The following GSK3B variants were observed in gnomAD, a reference collection of about 807,000 sequenced individuals.
GSK3B encodes the protein glycogen synthase kinase-3 beta.
Under a neutral mutation model 56.4 loss-of-function variants are expected in GSK3B, and 15 were observed. The ratio of observed to expected loss-of-function variants is 0.27; its 90% CI spans 0.18 to 0.41. GSK3B has a LOEUF of 0.41. Ranked by LOEUF, GSK3B falls within the 10% of genes least tolerant of loss-of-function variation. GSK3B has a pLI of 1.00. For synonymous variants in GSK3B, 181 were observed against 188.9 expected, an observed-to-expected ratio of 0.96 and a Z score of 0.34; for missense variants, 300 against 513.4, an observed-to-expected ratio of 0.58 and a Z score of 4.02.
At chr3:119,942,710 G>T (rs1235471422) in intron 3 of GSK3B, among the ~76,000 whole-genome samples, 1 of 152,114 alleles carries the variant, frequency 6.6e-6, no homozygotes, top group African/African-American at 2.4e-5. Context: ...CTTTTCATAT[G>T]TTCTATCAGA....
chr3:119,909,305 C>A (rs563514802), intron 6 of GSK3B, among the ~76,000 whole-genome samples: 1 of 152,314 alleles, frequency 6.6e-6, no homozygotes, highest in African/African-American at 2.4e-5. Flanking sequence ...GCCACTGCAC[C>A]AGGCCAGGTC....
chr3:119,953,399 A>T (rs1330727378), intron 2 of GSK3B, among the ~76,000 whole-genome samples: 1 of 152,238 alleles, frequency 6.6e-6, no homozygotes, highest in Non-Finnish European at 1.5e-5. Context: ...AAGGCTATAT[A>T]AAAAGAAAGC....
intron 10 of GSK3B, among the ~76,000 whole-genome samples, chr3:119,842,710 G>C (rs915226730): frequency 6.6e-6 from 1 of 152,014 alleles, no homozygotes; most frequent in Non-Finnish European, 1.5e-5. Context: ...CTCTCACTAA[G>C]ATGACAGAAT....
rs17183897 is a variant in GSK3B at position 119,863,444 on chromosome 3, A to G, written c.1071T>C (p.Pro357=). ...CTTGAGTGGTGAAGTTGAAGAGTGC[A>G]GGTGTGTCTCGCCCATTTGGTAGTT... ...NVKLPNGRDT[P]ALFNFTTQEL... Residue 357 remains proline (P), a synonymous_variant, in exon 9 of 11, where the codon CCT becomes CCC. Coordinates refer to ENST00000264235, the MANE Select transcript of GSK3B (RefSeq NM_001146156.2). 5,135 of 1,613,898 alleles carry G rather than the reference A, an allele frequency of 3.2e-3. 124 individuals are homozygous for G. In the African/African-American group the frequency reaches 0.057, roughly 18 times the overall value.
intron 5 of GSK3B, among the ~76,000 whole-genome samples, chr3:119,915,725 C>T (rs943641667): frequency 1.3e-5 from 2 of 152,062 alleles, no homozygotes; most frequent in African/African-American, 4.8e-5. Context: ...TCTGCATGTA[C>T]CGTAATTTAT....
chr3:119,957,544 C>G (rs2057227496), intron 2 of GSK3B, among the ~76,000 whole-genome samples: 1 of 152,140 alleles, frequency 6.6e-6, no homozygotes, highest in South Asian at 2.1e-4. Flanking sequence ...TTCCTTTAAC[C>G]CTGTATCTTT....
chr3:120,064,399 GCAATT>G (rs1048844869), intron 1 of GSK3B, among the ~76,000 whole-genome samples: 1 of 151,606 alleles, frequency 6.6e-6, no homozygotes. Flanking sequence ...ATACTAATAA[GCAATT>G]CAAGTTATAG....
chr3:119,926,351 CA>C (rs1331733058), intron 3 of GSK3B, among the ~76,000 whole-genome samples: 23 of 151,480 alleles, frequency 1.5e-4, no homozygotes, highest in Middle Eastern at 3.4e-3. Context: ...CACACACACA[CA>C]CACCCCTATA....
intron 6 of GSK3B, among the ~76,000 whole-genome samples, chr3:119,906,784 C>T (rs923490166): frequency 2.0e-5 from 3 of 151,994 alleles, no homozygotes; most frequent in Non-Finnish European, 4.4e-5. Flanking sequence ...CTGGACTTTA[C>T]CACCTACCAG....
At chr3:119,995,517 T>G (rs1472671544) in intron 2 of GSK3B, among the ~76,000 whole-genome samples, 2 of 151,254 alleles carry the variant, frequency 1.3e-5, no homozygotes, top group African/African-American at 4.9e-5. Flanking sequence ...CAGGCTGGAG[T>G]GCAGTGGCGC....
chr3:119,834,031 C>T (rs16830551), intron 10 of GSK3B, among the ~76,000 whole-genome samples: 3,419 of 152,190 alleles, frequency 0.022, 107 homozygotes, highest in African/African-American at 0.077. Flanking sequence ...TCCTTTACTA[C>T]GCTCTTGCCC....
At chr3:119,943,828 GAA>G (rs1391038524) in intron 3 of GSK3B, among the ~76,000 whole-genome samples, 1 of 151,504 alleles carries the variant, frequency 6.6e-6, no homozygotes. Flanking sequence ...AGAGAAAAGA[GAA>G]AGAGTTATAT....
At chr3:120,019,345 C>G (rs977072257) in intron 1 of GSK3B, among the ~76,000 whole-genome samples, 3 of 152,046 alleles carry the variant, frequency 2.0e-5, no homozygotes, top group African/African-American at 7.2e-5. Flanking sequence ...CAAAGATATC[C>G]AAAACCACTT....
chr3:119,989,104 G>A (rs1031138089), intron 2 of GSK3B, among the ~76,000 whole-genome samples: 2 of 152,096 alleles, frequency 1.3e-5, no homozygotes, highest in Admixed American at 6.6e-5. Flanking sequence ...TTCAGCAGAC[G>A]CTGCCTCTAA....
chr3:119,827,166 G>T (rs2055523843), intron 10 of GSK3B, among the ~76,000 whole-genome samples: 1 of 152,172 alleles, frequency 6.6e-6, no homozygotes, highest in Non-Finnish European at 1.5e-5. Context: ...CACTCAGCTG[G>T]AGTCTAGTTC....
intron 4 of GSK3B, among the ~76,000 whole-genome samples, 192 bp downstream of exon 4, chr3:119,923,181 T>C (rs1357949749): frequency 2.0e-5 from 3 of 152,180 alleles, no homozygotes; most frequent in Admixed American, 6.5e-5. Flanking sequence ...CTATCTGAGT[T>C]ATAAAACTTC....
intron 1 of GSK3B, chr3:120,030,009 C>T (rs538352374): frequency 5.2e-6 from 2 of 382,018 alleles, no homozygotes; most frequent in Non-Finnish European, 1.0e-5. Context: ...AGCTGTGTCC[C>T]CCAGTCTGTC....
chr3:120,085,526 A>G (rs1007538784), intron 1 of GSK3B, among the ~76,000 whole-genome samples: 1 of 152,254 alleles, frequency 6.6e-6, no homozygotes, highest in African/African-American at 2.4e-5. Flanking sequence ...GTGTTAATCA[A>G]TTAAAAATAT....
chr3:119,986,997 TA>T (rs747693337), intron 2 of GSK3B, among the ~76,000 whole-genome samples: 9 of 152,166 alleles, frequency 5.9e-5, no homozygotes, highest in Admixed American at 4.6e-4. Context: ...TATGCAGCCA[TA>T]AAAAAGGATG....
Sources: allele counts gnomAD v4.1 joint callset (sites outside exome capture counted in the v4.1 genomes callset), GRCh38; gene constraint gnomAD v4.1.1; transcripts MANE v1.5; gene names NCBI Gene and HGNC (gene_info 2026-07-23, HGNC 2026-07-21).